MATN1: variants seen among roughly 807,000 people sequenced by gnomAD.
The protein encoded by MATN1 is matrilin 1.
MATN1 carries 34 observed loss-of-function variants against 41.3 expected under a neutral mutation model. The observed-to-expected ratio is 0.82, with a 90% CI of 0.63 to 1.10. The LOEUF (loss-of-function observed/expected upper bound fraction) is 1.10, where lower values mean the gene tolerates loss of function less well. Ranked by LOEUF, MATN1 falls within the 50% of genes least tolerant of loss-of-function variation. The pLI, the probability that MATN1 is intolerant of heterozygous loss-of-function variation, is 0.00. For missense variants in MATN1, 602 were observed against 662.4 expected (o/e 0.91, Z 1.00); for synonymous variants, 264 against 278.7 (o/e 0.95, Z 0.53).
Position 30,714,285 on chromosome 1 carries a change from G to C in MATN1, c.1403C>G (p.Ala468Gly). The C allele has an allele frequency of 6.2e-7, 1 of 1,611,450 alleles. No individual in the cohort carries two copies. The highest frequency in any genetic ancestry group is 8.5e-7 in the Non-Finnish European group (1 of 1,178,824). ...CACESLVKFQ[A>G]KVEGLLQALT... Reference sequence around the variant, plus strand: ...GGCCTGCAGCAGCCCCTCCACTTTGGCTTGGAATTTCACCAGGGACTCGCA... The same window carrying C: ...GGCCTGCAGCAGCCCCTCCACTTTGCCTTGGAATTTCACCAGGGACTCGCA... The change falls in exon 7 of 8, where the codon GCC (alanine) becomes GGC (glycine). Residue 468 changes from alanine to glycine, a missense_variant. Transcript: ENST00000373765.
intron 2 of MATN1, chr1:30,719,581 CT>C (rs1183973634): frequency 6.5e-6 from 1 of 153,232 alleles, no homozygotes; most frequent in Non-Finnish European, 1.5e-5. Context: ...ATACATGCCC[CT>C]GCCAGAGAGG....
At chr1:30,717,463 C>A (rs941237405) in intron 3 of MATN1, among the ~76,000 whole-genome samples, 18 of 151,984 alleles carry the variant, frequency 1.2e-4, no homozygotes, top group Admixed American at 1.0e-3. Flanking sequence ...GAACCTTCTC[C>A]TGCCAGTGCC....
intron 4 of MATN1, 62 bp downstream of exon 4, chr1:30,716,728 G>T: frequency 6.3e-7 from 1 of 1,589,316 alleles, no homozygotes. Context: ...GGTTTCCTGG[G>T]GAGGCCCCAT....
chr1:30,721,077 C>A (rs1216577657), intron 2 of MATN1: 3 of 282,840 alleles, frequency 1.1e-5, no homozygotes, highest in Admixed American at 4.9e-5. Flanking sequence ...GTGGCGGAGG[C>A]CACACCTTCA....
intron 1 of MATN1, among the ~76,000 whole-genome samples, chr1:30,722,931 A>G (rs997470321): frequency 6.6e-6 from 1 of 152,200 alleles, no homozygotes; most frequent in African/African-American, 2.4e-5. Flanking sequence ...TCAATAACCT[A>G]GAGGCTCTGG....
rs771859055 is a variant in MATN1 at position 30,718,772 on chromosome 1, G to A, written c.627C>T (p.Ile209=). The A allele has an allele frequency of 1.1e-5, 17 of 1,602,392 alleles. No individual in the cohort carries two copies. The highest frequency in any genetic ancestry group is 1.7e-4 in the Middle Eastern group (1 of 5,978). The stretch of plus-strand genomic sequence containing the variant: ...CCTGGAACTTCCTGGACAGCTTCTC[G>A]ATGACGCTGTAGCTCTCCACGTAAT... The part of the protein sequence containing the change: ...HVDYVESYSV[I]EKLSRKFQEA... Residue 209 remains isoleucine (I), a synonymous_variant, in exon 3 of 8, where the codon ATC becomes ATT. Coordinates refer to ENST00000373765, the MANE Select transcript of MATN1 (RefSeq NM_002379.3).
In MATN1 at chr1:30,716,299, C is replaced by T; in HGVS notation, c.817G>A (p.Ala273Thr). The change falls in exon 5 of 8, where the codon GCC (alanine) becomes ACC (threonine). Residue 273 changes from alanine to threonine, a missense_variant. Physicochemically the swap from Ala to Thr is moderately conservative, Grantham distance 58. Coordinates refer to ENST00000373765, the MANE Select transcript of MATN1 (RefSeq NM_002379.3). ...TCAATGAGGAAGACCAGGTCAGTGG[C>T]CGAGCTGCCACCACCACCACTGCAG... The part of the protein sequence containing the change: ...NVCSGGGGSS[A>T]TDLVFLIDGS... 1 of 1,613,890 alleles carries T rather than the reference C, an allele frequency of 6.2e-7. No individual in the cohort carries two copies. Among genetic ancestry groups the T allele is most frequent in the Non-Finnish European group, 8.5e-7 (1 of 1,179,844 alleles).
rs139060426 is a variant in MATN1 at position 30,721,636 on chromosome 1, C to T, written c.210G>A (p.Ser70=). 49 of 1,613,534 alleles carry T rather than the reference C, an allele frequency of 3.0e-5. No homozygotes were observed. The highest frequency in any genetic ancestry group is 1.7e-4 in the African/African-American group (13 of 75,070). Residue 70 remains serine (S), a synonymous_variant, in exon 2 of 8, where the codon TCG becomes TCA. Coordinates refer to ENST00000373765, the MANE Select transcript of MATN1 (RefSeq NM_002379.3). ...VKVFLSQVIE[S]LDVGPNATRV... is the part of the protein sequence containing the mutation. ...GGGTGGCATTGGGCCCCACGTCCAG[C>T]GACTCGATGACCTGGGACAGGAATA... is the stretch of plus-strand genomic sequence containing the variant.
At position 30,721,612 on chromosome 1, in the gene MATN1, G is replaced by C. The variant is rs981522731; in HGVS notation, c.234C>G (p.Thr78=). The change falls in exon 2 of 8, where the codon ACC becomes ACG. Residue 78 remains threonine, a synonymous_variant. Coordinates refer to ENST00000373765, the MANE Select transcript of MATN1 (RefSeq NM_002379.3). ...IESLDVGPNA[T]RVGMVNYAST... is the part of the protein sequence containing the mutation. Reference sequence around the variant, plus strand: ...TGGCATAGTTGACCATGCCCACCCGGGTGGCATTGGGCCCCACGTCCAGCG... The same window carrying C: ...TGGCATAGTTGACCATGCCCACCCGCGTGGCATTGGGCCCCACGTCCAGCG... The C allele has an allele frequency of 6.2e-7, 1 of 1,613,400 alleles. No individual in the cohort carries two copies. The highest frequency in any genetic ancestry group is 1.3e-5 in the African/African-American group (1 of 74,944).
chr1:30,718,990 C>T, intron 2 of MATN1, 33 bp from the exon 3 acceptor site: 1 of 1,447,650 alleles, frequency 6.9e-7, no homozygotes, highest in Non-Finnish European at 9.2e-7. Context: ...ACACCGGGCT[C>T]CCGGAAGCCC....
In MATN1 at chr1:30,718,846, T is replaced by A. The variant is rs1183401497; in HGVS notation, c.553A>T (p.Lys185Ter). 2 of 1,608,512 alleles carry A rather than the reference T, an allele frequency of 1.2e-6. No individual in the cohort carries two copies. The highest frequency in any genetic ancestry group is 2.2e-5 in the East Asian group (1 of 44,720). The change falls in exon 3 of 8, where the codon AAG (lysine) becomes TAG (stop). Residue 185 changes from lysine (K) to a stop codon, truncating the protein, a stop_gained. Coordinates refer to ENST00000373765, the MANE Select transcript of MATN1 (RefSeq NM_002379.3). LOFTEE classifies it high-confidence loss of function. ...CTGGCGATCTGCCGCAGCGTGGCCT[T>A]GTCCACGCTGCCCACTCCGATGGCG... ...LFAIGVGSVD[K>*]ATLRQIASEP...
At chr1:30,717,082 T>G (rs765967401) in intron 3 of MATN1, among the ~76,000 whole-genome samples, 167 bp from the exon 4 acceptor site, 1 of 152,206 alleles carries the variant, frequency 6.6e-6, no homozygotes, top group Non-Finnish European at 1.5e-5. Flanking sequence ...ACGTCTGGAA[T>G]CATTGCACCA....
intron 5 of MATN1, 89 bp from the exon 6 acceptor site, chr1:30,715,398 AC>A: frequency 7.8e-7 from 1 of 1,274,488 alleles, no homozygotes; most frequent in Non-Finnish European, 1.1e-6. Flanking sequence ...GGCAGCCAAC[AC>A]CAGACACCTC....
chr1:30,713,593 T>A lies in MATN1; in HGVS notation c.1480A>T (p.Thr494Ser), dbSNP rs1357485008. The A allele has an allele frequency of 1.9e-6, 3 of 1,553,932 alleles. No homozygotes were observed. Among genetic ancestry groups the A allele is most frequent in the Non-Finnish European group, 2.6e-6 (3 of 1,147,940 alleles). ...GGTGACAGGCAGCCTTAGACAACTGTGTTCTCCAGGATGGCCAGCCGCTTA... is the reference window on the plus strand; with the variant it reads ...GGTGACAGGCAGCCTTAGACAACTGAGTTCTCCAGGATGGCCAGCCGCTTA... ...VSKRLAILEN[T>S]VV Residue 494 changes from threonine to serine, a missense_variant, in exon 8 of 8, where the codon ACA becomes TCA. Thr to Ser is a moderately conservative substitution (Grantham distance 58). Transcript: ENST00000373765.
At position 30,716,341 on chromosome 1, in the gene MATN1, A is replaced by G. The variant is rs1376835231; in HGVS notation, c.791-16T>C. On this transcript the variant is annotated splice_polypyrimidine_tract_variant and intron_variant, in intron 4 of 7. Coordinates refer to ENST00000373765, the MANE Select transcript of MATN1 (RefSeq NM_002379.3). Reference sequence around the variant, plus strand: ...CCACTGCAGACTGTGGAGGACAGGAAGGCAACGGGCTGAAGCTGAAGGACA... The same window carrying G: ...CCACTGCAGACTGTGGAGGACAGGAGGGCAACGGGCTGAAGCTGAAGGACA... 2 of 1,608,816 alleles carry G rather than the reference A, an allele frequency of 1.2e-6. No individual in the cohort carries two copies. Among genetic ancestry groups the G allele is most frequent in the East Asian group, 2.2e-5 (1 of 44,768 alleles).
chr1:30,721,673 T>C lies in MATN1; in HGVS notation c.173A>G (p.Glu58Gly). ...SSRSVRPVEF[E>G]KVKVFLSQVI... Reference sequence around the variant, plus strand: ...CTGGGACAGGAATACCTTCACTTTCTCAAATTCAACAGGCCGAACGCTGCG... The same window carrying C: ...CTGGGACAGGAATACCTTCACTTTCCCAAATTCAACAGGCCGAACGCTGCG... Residue 58 changes from glutamate to glycine, a missense_variant, in exon 2 of 8, where the codon GAG becomes GGG. Coordinates refer to ENST00000373765, the MANE Select transcript of MATN1 (RefSeq NM_002379.3). 6.2e-7 allele frequency: 1 copy of C among 1,613,252 alleles called. No individual in the cohort carries two copies. Among genetic ancestry groups the C allele is most frequent in the East Asian group, 2.2e-5 (1 of 44,876 alleles).
Position 30,721,744 on chromosome 1 carries a change from G to A in MATN1, c.102C>T (p.Leu34=), listed in dbSNP as rs1307140684. The change falls in exon 2 of 8, where the codon CTC becomes CTT. Residue 34 remains leucine, a synonymous_variant. Coordinates refer to ENST00000373765, the MANE Select transcript of MATN1 (RefSeq NM_002379.3). ...CCAGGTCTGTGGGCCGCGTCCGGCA[G>A]AGATGGCCTGGGAGTGGGGCAGGAG... The part of the protein sequence containing the change: ...PGLAPQSRGH[L]CRTRPTDLVF... 1 of 1,608,048 alleles carries A rather than the reference G, an allele frequency of 6.2e-7. No homozygotes were observed. The highest frequency in any genetic ancestry group is 8.5e-7 in the Non-Finnish European group (1 of 1,178,670).
At chr1:30,719,258 C>G (rs1185511099) in intron 2 of MATN1, 1 of 365,818 alleles carries the variant, frequency 2.7e-6, no homozygotes, top group Non-Finnish European at 5.0e-6. Flanking sequence ...TCCCCTCAGA[C>G]TGAGGCGGCT....
Position 30,714,226 on chromosome 1 carries a change from GC to G in MATN1, c.1441+20del, listed in dbSNP as rs1241674885. ...TGGCCTGCGCCCCTCCCCAGCCCCA[GC>G]CCCCTCTGGGAAGGGATATGTTTCC... On this transcript the variant is annotated intron_variant, in intron 7 of 7. Coordinates refer to ENST00000373765, the MANE Select transcript of MATN1 (RefSeq NM_002379.3). 1 of 1,481,530 alleles carries G rather than the reference GC, an allele frequency of 6.7e-7. No individual in the cohort carries two copies. Among genetic ancestry groups the G allele is most frequent in the Non-Finnish European group, 9.2e-7 (1 of 1,082,426 alleles). 91.8% of individuals were successfully genotyped at this position (1,481,530 alleles called of 1,614,324 possible).
Sources: gnomAD v4.1 joint callset for allele counts (sites outside exome capture counted in the v4.1 genomes callset) on GRCh38, gnomAD v4.1.1 for gene constraint, MANE v1.5 for transcripts, NCBI Gene and HGNC (gene_info 2026-07-23, HGNC 2026-07-21) for gene names.